EYS: variants seen among roughly 807,000 people sequenced by gnomAD.
EYS encodes EGF-like photoreceptor maintenance factor.
In EYS, 250 loss-of-function variants were observed where a neutral mutation model predicts 282.1. The ratio of observed to expected loss-of-function variants is 0.89; its 90% CI spans 0.80 to 0.98. The LOEUF is 0.98. EYS is among the 50% of genes least tolerant of loss of function. The pLI is 0.00. For synonymous variants in EYS, 1,355 were observed against 1,282.9 expected, an observed-to-expected ratio of 1.06 and a Z score of -1.20; for missense variants, 4,016 against 3,709.0, an observed-to-expected ratio of 1.08 and a Z score of -2.15.
intron 32 of EYS, among the ~76,000 whole-genome samples, chr6:64,081,419 A>G (rs1311962869): frequency 6.6e-6 from 1 of 152,206 alleles, no homozygotes; most frequent in African/African-American, 2.4e-5. Flanking sequence ...AAACCAGCTT[A>G]TATCAAGATA....
chr6:64,745,830 T>A (rs77301966), intron 22 of EYS, among the ~76,000 whole-genome samples: 1 of 152,224 alleles, frequency 6.6e-6, no homozygotes. Flanking sequence ...CAGCTCTAAG[T>A]GTAGAGAAGA....
intron 35 of EYS, among the ~76,000 whole-genome samples, chr6:63,876,594 G>T (rs1252625433): frequency 8.6e-5 from 13 of 151,796 alleles, no homozygotes; most frequent in African/African-American, 1.7e-4. Context: ...CCATTATTAT[G>T]GTGTGGGAGT....
intron 22 of EYS, among the ~76,000 whole-genome samples, chr6:64,692,154 C>G (rs1770410043): frequency 6.6e-6 from 1 of 152,170 alleles, no homozygotes; most frequent in South Asian, 2.1e-4. Context: ...CATAGCCTCA[C>G]TAGCATCTGT....
rs566634088 is a variant in EYS, at chr6:64,691,153, G to A, written c.3444-64908C>T. 4.6e-5 allele frequency among the ~76,000 whole-genome samples: 7 copies of A among 152,000 alleles called. 1 individual carries two copies. In the South Asian group the frequency reaches 1.5e-3, roughly 32 times the overall value. Reference sequence around the variant, plus strand: ...TTACAAATAAAAATAAACTATTTCAGTCTAATAAAGGGCAATGATTAAAAA... The same window carrying A: ...TTACAAATAAAAATAAACTATTTCAATCTAATAAAGGGCAATGATTAAAAA... On this transcript the variant is annotated intron_variant, in intron 22 of 42. Transcript: ENST00000503581.
intron 31 of EYS, among the ~76,000 whole-genome samples, chr6:64,083,701 A>C (rs1263488720): frequency 6.6e-6 from 1 of 152,188 alleles, no homozygotes; most frequent in Non-Finnish European, 1.5e-5. Context: ...TGCTCAGTTA[A>C]ATTCAAATTT....
At chr6:64,968,182 T>C (rs1419053296) in intron 14 of EYS, among the ~76,000 whole-genome samples, 2 of 152,118 alleles carry the variant, frequency 1.3e-5, no homozygotes, top group East Asian at 3.9e-4. Flanking sequence ...ATTTTTAAAA[T>C]AAATATGGGT....
At chr6:63,893,708 A>G (rs1197888946) in intron 35 of EYS, among the ~76,000 whole-genome samples, 4 of 152,158 alleles carry the variant, frequency 2.6e-5, no homozygotes, top group Admixed American at 6.5e-5. Flanking sequence ...GTATCCCAGA[A>G]CTTAAAGTCC....
At chr6:63,937,525 C>G (rs555104123) in intron 35 of EYS, among the ~76,000 whole-genome samples, 1 of 150,778 alleles carries the variant, frequency 6.6e-6, no homozygotes, top group South Asian at 2.1e-4. Flanking sequence ...GGACTACAGG[C>G]GCCCGCCACC....
At chr6:65,183,435 T>C (rs556816749) in intron 12 of EYS, among the ~76,000 whole-genome samples, 1 of 152,052 alleles carries the variant, frequency 6.6e-6, no homozygotes, top group African/African-American at 2.4e-5. Context: ...GGAGTTATTT[T>C]GAGTTTCTAA....
At chr6:65,579,157 T>G (rs189859964) in intron 2 of EYS, among the ~76,000 whole-genome samples, 1 of 152,098 alleles carries the variant, frequency 6.6e-6, no homozygotes, top group Non-Finnish European at 1.5e-5. Flanking sequence ...TATACATGTG[T>G]TTTTTTGTTC....
At chr6:64,125,741 G>A (rs1367965057) in intron 31 of EYS, among the ~76,000 whole-genome samples, 2 of 136,580 alleles carry the variant, frequency 1.5e-5, no homozygotes, top group Admixed American at 1.7e-4. Context: ...AGAGGAGATC[G>A]CACCACTGCA....
intron 12 of EYS, among the ~76,000 whole-genome samples, chr6:65,142,952 C>T (rs1240981109): frequency 3.3e-5 from 5 of 151,988 alleles, no homozygotes; most frequent in Admixed American, 2.0e-4. Context: ...CTAGCAGAAT[C>T]AATGTAACTA....
chr6:64,768,370 G>C (rs1352121413), intron 22 of EYS, among the ~76,000 whole-genome samples: 1 of 152,064 alleles, frequency 6.6e-6, no homozygotes, highest in Non-Finnish European at 1.5e-5. Context: ...TATATATTTA[G>C]CAAGAGGAAT....
intron 2 of EYS, among the ~76,000 whole-genome samples, chr6:65,597,328 A>C (rs1381914296): frequency 6.6e-6 from 1 of 152,036 alleles, no homozygotes; most frequent in Non-Finnish European, 1.5e-5. Context: ...CGCCCAGAGT[A>C]ATGTTCCATG....
At chr6:65,662,606 C>A (rs1463487971) in intron 1 of EYS, among the ~76,000 whole-genome samples, 5 of 152,180 alleles carry the variant, frequency 3.3e-5, no homozygotes, top group African/African-American at 1.2e-4. Flanking sequence ...TGCTCCACAT[C>A]TTTTGCCCCA....
chr6:65,612,466 A>G (rs1364957490), intron 2 of EYS, among the ~76,000 whole-genome samples: 1 of 151,774 alleles, frequency 6.6e-6, no homozygotes, highest in Non-Finnish European at 1.5e-5. Flanking sequence ...GACTAAACTA[A>G]TTCTTGCAAG....
At position 65,344,031 on chromosome 6, in the gene EYS, A is replaced by T. The variant is rs755565799; in HGVS notation, c.1599+7T>A. ...AAATGAAAAGCAACTACATAAAATT[A>T]CCTTACCTCTTTTGTGCCTTCATGT... On this transcript the variant is annotated splice_region_variant and intron_variant, in intron 10 of 42. Transcript: ENST00000503581. 19 of 1,608,252 alleles carry T rather than the reference A, an allele frequency of 1.2e-5. No individual in the cohort carries two copies. Among genetic ancestry groups the T allele is most frequent in the Non-Finnish European group, 1.5e-5 (18 of 1,176,168 alleles).
At chr6:65,164,865 G>C (rs1035386917) in intron 12 of EYS, among the ~76,000 whole-genome samples, 3 of 151,208 alleles carry the variant, frequency 2.0e-5, no homozygotes, top group Admixed American at 6.6e-5. Flanking sequence ...TCTTCATAAT[G>C]TGTTCTGTCT....
chr6:64,378,351 T>C, intron 29 of EYS, among the ~76,000 whole-genome samples: 1 of 152,104 alleles, frequency 6.6e-6, no homozygotes, highest in East Asian at 1.9e-4. Flanking sequence ...AAAACCAAAA[T>C]GATAATTATT....
Sources: allele counts gnomAD v4.1 joint callset (sites outside exome capture counted in the v4.1 genomes callset), GRCh38; gene constraint gnomAD v4.1.1; transcripts MANE v1.5; gene names NCBI Gene and HGNC (gene_info 2026-07-23, HGNC 2026-07-21).